Variants in EIPR1 observed in about 807,000 individuals in gnomAD.
EIPR1 encodes the protein EARP and GARP complex-interacting protein 1.
A neutral mutation model predicts 48.1 loss-of-function variants in EIPR1; 25 were observed. That is an observed-to-expected ratio of 0.52 (90% confidence interval 0.38 to 0.73). The LOEUF is 0.73. Among genes scored for constraint, EIPR1 ranks in the 30% least tolerant of loss-of-function variants. The pLI is 0.00. For missense variants in EIPR1, 415 were observed against 506.2 expected, an observed-to-expected ratio of 0.82 and a Z score of 1.73; for synonymous variants, 204 against 201.9, an observed-to-expected ratio of 1.01 and a Z score of -0.09.
intron 1 of EIPR1, among the ~76,000 whole-genome samples, chr2:3,364,104 G>A (rs116256627): frequency 0.017 from 2,519 of 152,210 alleles, 76 homozygotes; most frequent in African/African-American, 0.058. Flanking sequence ...AGAGTATGGC[G>A]TCTCCTCAAA....
At chr2:3,283,647 A>C (rs1668084329) in intron 3 of EIPR1, among the ~76,000 whole-genome samples, 1 of 152,244 alleles carries the variant, frequency 6.6e-6, no homozygotes, top group Non-Finnish European at 1.5e-5. Flanking sequence ...AGAGGGGAAG[A>C]AAAGAAAAGG....
rs116263273 is a variant in EIPR1 at position 3,326,320 on chromosome 2, C to T, written c.259+11697G>A. On this transcript the variant is annotated intron_variant, in intron 3 of 8. Transcript: ENST00000382125. ...CGCTCCAGAGGTTACTTGACTGGTCCGGGATTGGAGAGCCGGTAAGCAGCA... is the reference window on the plus strand; with the variant it reads ...CGCTCCAGAGGTTACTTGACTGGTCTGGGATTGGAGAGCCGGTAAGCAGCA... Among the ~76,000 whole-genome samples the T allele has an allele frequency of 4.4e-3, 669 of 152,194 alleles. 5 individuals are homozygous for T. Among genetic ancestry groups the T allele is most frequent in the African/African-American group, 0.015 (639 of 41,496 alleles).
intron 7 of EIPR1, among the ~76,000 whole-genome samples, chr2:3,192,873 A>G (rs1347572206): frequency 6.7e-6 from 1 of 149,260 alleles, no homozygotes; most frequent in African/African-American, 2.4e-5. Context: ...AAAATTCGAA[A>G]AAAAAAAAAA....
chr2:3,310,469 C>A (rs187556840), intron 3 of EIPR1, among the ~76,000 whole-genome samples: 2 of 139,900 alleles, frequency 1.4e-5, no homozygotes, highest in Non-Finnish European at 3.0e-5. Flanking sequence ...CTGGCTAAAA[C>A]GGTGAAACCC....
chr2:3,326,720 G>C (rs1240597805), intron 3 of EIPR1, among the ~76,000 whole-genome samples: 1 of 152,186 alleles, frequency 6.6e-6, no homozygotes, highest in Admixed American at 6.5e-5. Flanking sequence ...GAGGAATTTA[G>C]CTGCTCAGTT....
intron 3 of EIPR1, among the ~76,000 whole-genome samples, chr2:3,322,196 C>T (rs574776603): frequency 8.5e-4 from 129 of 152,236 alleles, no homozygotes; most frequent in Admixed American, 1.1e-3. Flanking sequence ...CTGACGGTCA[C>T]GGTGAGGTGA....
chr2:3,284,067 AG>A (rs1322517468), intron 3 of EIPR1, among the ~76,000 whole-genome samples: 1 of 152,276 alleles, frequency 6.6e-6, no homozygotes, highest in Non-Finnish European at 1.5e-5. Context: ...GCCAGGAAGC[AG>A]ACGTGCAAAT....
chr2:3,318,759 A>G, intron 3 of EIPR1: 2 of 445,882 alleles, frequency 4.5e-6, no homozygotes, highest in South Asian at 3.2e-5. Context: ...CAAACTCTGA[A>G]GCCAAAATAC....
chr2:3,234,000 T>C (rs529332402), intron 4 of EIPR1, among the ~76,000 whole-genome samples: 9 of 152,254 alleles, frequency 5.9e-5, no homozygotes, highest in East Asian at 5.8e-4. Flanking sequence ...CACTGTAACA[T>C]AAAAGTGGCT....
intron 3 of EIPR1, among the ~76,000 whole-genome samples, chr2:3,281,613 G>A (rs1175554762): frequency 1.3e-5 from 2 of 152,098 alleles, no homozygotes; most frequent in African/African-American, 4.8e-5. Context: ...ATACAGGAAC[G>A]CGTGCCTGGA....
At chr2:3,336,223 T>C (rs186996136) in intron 3 of EIPR1, among the ~76,000 whole-genome samples, 117 of 152,328 alleles carry the variant, frequency 7.7e-4, no homozygotes, top group African/African-American at 2.7e-3. Flanking sequence ...TCTGCAGTTA[T>C]GCTCTTGTCT....
chr2:3,296,089 T>A (rs1668576138), intron 3 of EIPR1, among the ~76,000 whole-genome samples: 2 of 85,436 alleles, frequency 2.3e-5, no homozygotes, highest in Non-Finnish European at 2.2e-5. Flanking sequence ...ACACCCTCCA[T>A]CCAGCCCATC....
At chr2:3,288,065 C>T (rs962279424) in intron 3 of EIPR1, among the ~76,000 whole-genome samples, 4 of 152,210 alleles carry the variant, frequency 2.6e-5, no homozygotes, top group Non-Finnish European at 5.9e-5. Context: ...GTAAGGTTGT[C>T]GCAGGGTGCA....
At chr2:3,309,206 T>C (rs1669046181) in intron 3 of EIPR1, among the ~76,000 whole-genome samples, 1 of 152,140 alleles carries the variant, frequency 6.6e-6, no homozygotes. Context: ...ATTCTTAAAG[T>C]GGGAGGGCAG....
At chr2:3,211,473 A>G (rs528243818) in intron 5 of EIPR1, among the ~76,000 whole-genome samples, 1 of 152,250 alleles carries the variant, frequency 6.6e-6, no homozygotes, top group South Asian at 2.1e-4. Flanking sequence ...CCCAAAACAC[A>G]AACGCTATTT....
At position 3,211,407 on chromosome 2, in the gene EIPR1, C is replaced by A. The variant is rs376963316; in HGVS notation, c.516+2742G>T. On this transcript the variant is annotated intron_variant, in intron 5 of 8. Transcript: ENST00000382125. ...CACCGACCGCCCACAAAGTTCCCAG[C>A]CCCTCCCCACGAGCTCTGAGATTAA... 6.6e-4 allele frequency among the ~76,000 whole-genome samples: 100 copies of A among 152,294 alleles called. 3 individuals are homozygous for A. The South Asian group carries it at 0.02, about 31-fold the overall frequency.
At chr2:3,238,086 C>A (rs1226637753) in intron 4 of EIPR1, among the ~76,000 whole-genome samples, 5 of 152,140 alleles carry the variant, frequency 3.3e-5, no homozygotes, top group Admixed American at 1.3e-4. Flanking sequence ...GAAAATTTGG[C>A]TGGACACTGA....
intron 2 of EIPR1, chr2:3,353,411 T>C: frequency 2.4e-6 from 1 of 424,902 alleles, no homozygotes; most frequent in South Asian, 1.8e-5. Flanking sequence ...CCAAATCATC[T>C]AACGATTCTT....
At chr2:3,269,320 C>T (rs1340888538) in intron 3 of EIPR1, among the ~76,000 whole-genome samples, 1 of 127,724 alleles carries the variant, frequency 7.8e-6, no homozygotes, top group Non-Finnish European at 1.7e-5. Context: ...ACTCAGTCAT[C>T]GCACTCAATC....
Sources: gnomAD v4.1 joint callset for allele counts (sites outside exome capture counted in the v4.1 genomes callset) on GRCh38, gnomAD v4.1.1 for gene constraint, MANE v1.5 for transcripts, NCBI Gene and HGNC (gene_info 2026-07-23, HGNC 2026-07-21) for gene names.